XXYLT1: variants seen among roughly 807,000 people sequenced by gnomAD.
The protein encoded by XXYLT1 is xyloside xylosyltransferase 1.
In XXYLT1, 20 loss-of-function variants were observed where a neutral mutation model predicts 28.9. The observed-to-expected ratio is 0.69, with a 90% CI of 0.49 to 1.00. XXYLT1 has a LOEUF of 1.00. Among genes scored for constraint, XXYLT1 ranks in the 50% least tolerant of loss-of-function variants. The pLI, the probability that XXYLT1 is intolerant of heterozygous loss-of-function variation, is 0.00. For synonymous variants in XXYLT1, 257 were observed against 253.8 expected (o/e 1.01, Z -0.12); for missense variants, 542 against 560.1 (o/e 0.97, Z 0.33).
chr3:195,182,929 A>C (rs721007), intron 2 of XXYLT1, among the ~76,000 whole-genome samples: 24,437 of 152,206 alleles, frequency 0.16, 3,390 homozygotes, highest in African/African-American at 0.38. Flanking sequence ...AAGAATTCCT[A>C]AATCTATAAA....
intron 1 of XXYLT1, among the ~76,000 whole-genome samples, chr3:195,238,450 C>T (rs1432575755): frequency 6.6e-6 from 1 of 152,234 alleles, no homozygotes; most frequent in Non-Finnish European, 1.5e-5. Context: ...CTGCATGGGG[C>T]ACTCCTCGTA....
Position 195,247,931 on chromosome 3 carries a change from G to A in XXYLT1, c.505-21075C>T, listed in dbSNP as rs1577195379. On this transcript the variant is annotated intron_variant, in intron 1 of 3. Coordinates refer to ENST00000310380, the MANE Select transcript of XXYLT1 (RefSeq NM_152531.5). ...CTCACTGACTCTCACGAGAAGAGCA[G>A]GGAGGAAGTCCCGCCCCTGTGGTCC... 5 of 614,064 alleles carry A rather than the reference G, an allele frequency of 8.1e-6. No homozygotes were observed. The East Asian group carries it at 1.5e-4, about 19-fold the overall frequency. The allele number at this position is 614,064 out of a possible 1,614,324, so 38.0% of individuals were successfully genotyped here.
intron 3 of XXYLT1, among the ~76,000 whole-genome samples, chr3:195,102,346 T>C (rs1034959595): frequency 6.6e-6 from 1 of 152,164 alleles, no homozygotes; most frequent in African/African-American, 2.4e-5. Context: ...TTATGGATGA[T>C]AGCCCTCATG....
chr3:195,098,154 T>G (rs1716556126), intron 3 of XXYLT1, among the ~76,000 whole-genome samples: 1 of 152,142 alleles, frequency 6.6e-6, no homozygotes, highest in Non-Finnish European at 1.5e-5. Flanking sequence ...TATTATTGAA[T>G]GGGTACAGGG....
At chr3:195,233,163 T>C (rs918085006) in intron 1 of XXYLT1, among the ~76,000 whole-genome samples, 6 of 152,200 alleles carry the variant, frequency 3.9e-5, no homozygotes, top group African/African-American at 1.4e-4. Context: ...TTGAAATCGA[T>C]TTATCTGATA....
chr3:195,148,343 C>G (rs1177329225), intron 3 of XXYLT1, among the ~76,000 whole-genome samples: 1 of 152,190 alleles, frequency 6.6e-6, no homozygotes, highest in Non-Finnish European at 1.5e-5. Context: ...AGTTTTCTAA[C>G]TCCCAGGGAG....
At chr3:195,162,163 C>T (rs190901922) in intron 2 of XXYLT1, among the ~76,000 whole-genome samples, 19 of 152,108 alleles carry the variant, frequency 1.2e-4, no homozygotes, top group African/African-American at 4.6e-4. Flanking sequence ...TCCAAGATCA[C>T]GCAGCTGGTC....
chr3:195,240,399 C>T lies in XXYLT1; in HGVS notation c.505-13543G>A, dbSNP rs1331892932. ...ACTGAGATGCCTGAGAGCCAGGCCACCGCTCCTCTAAACACTCCCTGGGGA... is the reference window on the plus strand; with the variant it reads ...ACTGAGATGCCTGAGAGCCAGGCCATCGCTCCTCTAAACACTCCCTGGGGA... On this transcript the variant is annotated intron_variant, in intron 1 of 3. Coordinates refer to ENST00000310380, the MANE Select transcript of XXYLT1 (RefSeq NM_152531.5). This position sits in a 1 kb window ranked among gnomAD's most constrained non-coding sequence, Gnocchi z 4.7. Among the ~76,000 whole-genome samples, 8 of 152,252 alleles carry T rather than the reference C, an allele frequency of 5.3e-5. No homozygotes were observed. The highest frequency in any genetic ancestry group is 1.2e-4 in the Non-Finnish European group (8 of 68,048).
chr3:195,247,822 G>A (rs1380852969), intron 1 of XXYLT1: 2 of 702,722 alleles, frequency 2.8e-6, no homozygotes, highest in South Asian at 3.0e-5. Context: ...ACGGCGGAAG[G>A]GACACATCTC....
At chr3:195,242,174 C>A (rs987833707) in intron 1 of XXYLT1, among the ~76,000 whole-genome samples, 1 of 152,174 alleles carries the variant, frequency 6.6e-6, no homozygotes, top group African/African-American at 2.4e-5. Flanking sequence ...TGCCCCGTGG[C>A]CCCGCAGCAC....
chr3:195,242,637 G>A (rs752590551), intron 1 of XXYLT1, among the ~76,000 whole-genome samples: 6 of 152,198 alleles, frequency 3.9e-5, no homozygotes, highest in Non-Finnish European at 7.3e-5. Flanking sequence ...GGTTCACATG[G>A]GAGGCTGGAG....
At chr3:195,141,988 G>A (rs1043706081) in intron 3 of XXYLT1, among the ~76,000 whole-genome samples, 7 of 152,212 alleles carry the variant, frequency 4.6e-5, no homozygotes, top group African/African-American at 1.7e-4. Context: ...TAAACCACGT[G>A]ATTCATGTAA....
At position 195,179,211 on chromosome 3, in the gene XXYLT1, G is replaced by A. The variant is rs372238649; in HGVS notation, c.653-22630C>T. Among the ~76,000 whole-genome samples, 39 of 152,098 alleles carry A rather than the reference G, an allele frequency of 2.6e-4. No homozygotes were observed. The East Asian group carries it at 5.8e-3, about 23-fold the overall frequency. The stretch of plus-strand genomic sequence containing the variant: ...AAAAATTAGCTGGGCATGGTGGCAC[G>A]TGCCTGTAATCCCAGCCACTCGGAA... On this transcript the variant is annotated intron_variant, in intron 2 of 3. Transcript: ENST00000310380.
Position 195,093,680 on chromosome 3 carries a change from T to TA in XXYLT1, c.786-23570dup, listed in dbSNP as rs1453687844. Reference sequence around the variant, plus strand: ...ATGTACCCTAGAACTTAAAGTATAATAAAAAAATAAAAATAAATAAATAAA... The same window carrying TA: ...ATGTACCCTAGAACTTAAAGTATAATAAAAAAAATAAAAATAAATAAATAAA... On this transcript the variant is annotated intron_variant, in intron 3 of 3. Coordinates refer to ENST00000310380, the MANE Select transcript of XXYLT1 (RefSeq NM_152531.5). The TA allele has an allele frequency of 5.6e-4, 83 of 148,584 alleles. 2 individuals carry two copies. Among genetic ancestry groups the TA allele is most frequent in the African/African-American group, 1.6e-3 (63 of 39,854 alleles). The allele number at this position is 148,584 out of a possible 1,614,324, so 9.2% of individuals were successfully genotyped here.
chr3:195,134,854 T>C (rs1473346037), intron 3 of XXYLT1, among the ~76,000 whole-genome samples: 1 of 128,364 alleles, frequency 7.8e-6, no homozygotes, highest in Non-Finnish European at 1.6e-5. Context: ...TGTGTGTGTG[T>C]GTGTGTGTGT....
intron 2 of XXYLT1, among the ~76,000 whole-genome samples, chr3:195,223,658 A>T (rs1341891182): frequency 2.6e-5 from 4 of 152,212 alleles, no homozygotes; most frequent in Non-Finnish European, 5.9e-5. Context: ...CTGAAAACAG[A>T]GTGTCCTTCC....
At chr3:195,127,023 C>T (rs950256) in intron 3 of XXYLT1, among the ~76,000 whole-genome samples, 26,044 of 152,148 alleles carry the variant, frequency 0.17, 2,967 homozygotes, top group East Asian at 0.57. Context: ...CAGAATGTTC[C>T]CTCTGTGGAT....
chr3:195,151,177 A>C (rs1048715071), intron 3 of XXYLT1, among the ~76,000 whole-genome samples: 1 of 152,176 alleles, frequency 6.6e-6, no homozygotes, highest in African/African-American at 2.4e-5. Flanking sequence ...GCTGCTGCTA[A>C]AAAGGGAAGT....
At chr3:195,125,648 G>A (rs756580257) in intron 3 of XXYLT1, among the ~76,000 whole-genome samples, 29 of 152,344 alleles carry the variant, frequency 1.9e-4, no homozygotes, top group East Asian at 7.7e-4. Context: ...CTGGCCCCAC[G>A]CTTCCAAATG....
Sources: gnomAD v4.1 joint callset for allele counts (sites outside exome capture counted in the v4.1 genomes callset) on GRCh38, gnomAD v4.1.1 for gene constraint, Gnocchi (gnomAD v3.1) non-coding constraint, MANE v1.5 for transcripts, NCBI Gene and HGNC (gene_info 2026-07-23, HGNC 2026-07-21) for gene names.